Variants in EFCAB5 observed in about 807,000 individuals in gnomAD.
EFCAB5 encodes EF-hand calcium binding domain 5.
A neutral mutation model predicts 167.9 loss-of-function variants in EFCAB5; 131 were observed. The observed-to-expected ratio is 0.78, with a 90% CI of 0.68 to 0.90. The LOEUF (loss-of-function observed/expected upper bound fraction) is 0.90. EFCAB5 is among the 40% of genes least tolerant of loss of function. The pLI is 0.00. For synonymous variants in EFCAB5, 574 were observed against 602.8 expected, an observed-to-expected ratio of 0.95 and a Z score of 0.70; for missense variants, 1,663 against 1,745.2, an observed-to-expected ratio of 0.95 and a Z score of 0.84.
chr17:29,984,501 C>T (rs150552647), intron 4 of EFCAB5, among the ~76,000 whole-genome samples: 73 of 152,120 alleles, frequency 4.8e-4, no homozygotes, highest in African/African-American at 1.6e-3. Flanking sequence ...GAGCGGATCA[C>T]GAGGTCAGGA....
rs1359320546 is a variant in EFCAB5 at position 30,059,712 on chromosome 17, A to G, written c.2737+11A>G. 4 of 1,581,276 alleles carry G rather than the reference A, an allele frequency of 2.5e-6. 1 individual carries two copies. The South Asian group carries it at 4.6e-5, about 18-fold the overall frequency. ...AATCTATGAAGAAAGGTAAAATATAAGAATGTTCTTATTTAAACTGTGGTA... is the reference window on the plus strand; with the variant it reads ...AATCTATGAAGAAAGGTAAAATATAGGAATGTTCTTATTTAAACTGTGGTA... On this transcript the variant is annotated intron_variant, in intron 14 of 22. Transcript: ENST00000394835.
intron 13 of EFCAB5, among the ~76,000 whole-genome samples, chr17:30,058,264 T>C (rs2070331777): frequency 6.6e-6 from 1 of 152,212 alleles, no homozygotes. Flanking sequence ...GGCCTGAGTA[T>C]ATATTTTTAC....
intron 5 of EFCAB5, 44 bp from the exon 6 acceptor site, chr17:29,996,268 A>T (rs1056309121): frequency 1.4e-6 from 2 of 1,445,642 alleles, no homozygotes; most frequent in African/African-American, 1.4e-5. Flanking sequence ...GTAACTGAGG[A>T]GTGGCATATG....
intron 7 of EFCAB5, among the ~76,000 whole-genome samples, chr17:30,030,817 C>G (rs1390759916): frequency 6.6e-6 from 1 of 152,046 alleles, no homozygotes; most frequent in Non-Finnish European, 1.5e-5. Context: ...CCACTCTTGG[C>G]TAAATTTTTA....
intron 7 of EFCAB5, among the ~76,000 whole-genome samples, chr17:30,011,468 T>G (rs1387488454): frequency 6.6e-6 from 1 of 152,230 alleles, no homozygotes; most frequent in Admixed American, 6.5e-5. Context: ...GTTTGTGCCC[T>G]CTTTTATTTC....
chr17:29,997,243 TAAA>T (rs1180178203), intron 6 of EFCAB5, among the ~76,000 whole-genome samples: 1 of 130,740 alleles, frequency 7.6e-6, no homozygotes. Context: ...AGACTCCTTC[TAAA>T]AAAAAAAAAA....
chr17:30,010,268 C>T (rs1461585126), intron 7 of EFCAB5, among the ~76,000 whole-genome samples: 2 of 152,248 alleles, frequency 1.3e-5, no homozygotes, highest in East Asian at 3.9e-4. Flanking sequence ...AATAAACATA[C>T]GTGTGCATGT....
At chr17:30,059,495 G>A (rs1369606952) in intron 13 of EFCAB5, 50 bp from the exon 14 acceptor site, 32 of 1,505,128 alleles carry the variant, frequency 2.1e-5, no homozygotes, top group Non-Finnish European at 2.8e-5. Flanking sequence ...ATGCTAGCTA[G>A]CACAATGAAC....
At chr17:30,022,886 C>T (rs893598662) in intron 7 of EFCAB5, among the ~76,000 whole-genome samples, 1 of 152,080 alleles carries the variant, frequency 6.6e-6, no homozygotes, top group Non-Finnish European at 1.5e-5. Flanking sequence ...TCACTCAAAA[C>T]CACTCAACTA....
In EFCAB5 at chr17:30,091,913, T is replaced by C; in HGVS notation, c.3980T>C (p.Phe1327Ser). ...VREVQRAGIL[F>S]FRIMLLELQE... ...GAAGTCCAGCGGGCAGGAATTCTCT[T>C]CTTCCGAATCATGCTGCTCGAGCTA... The change falls in exon 21 of 23, where the codon TTC (phenylalanine) becomes TCC (serine). Residue 1327 changes from phenylalanine to serine, a missense_variant. Phe to Ser is a radical substitution (Grantham distance 155). Coordinates refer to ENST00000394835, the MANE Select transcript of EFCAB5 (RefSeq NM_198529.4). 2 of 1,614,006 alleles carry C rather than the reference T, an allele frequency of 1.2e-6. No individual in the cohort carries two copies. The highest frequency in any genetic ancestry group is 1.7e-6 in the Non-Finnish European group (2 of 1,179,888).
At chr17:29,993,381 C>G in intron 5 of EFCAB5, 60 bp downstream of exon 5, 1 of 1,541,172 alleles carries the variant, frequency 6.5e-7, no homozygotes, top group Non-Finnish European at 8.8e-7. Flanking sequence ...AGGGCAATTG[C>G]TAGAATACTG....
chr17:30,102,962 C>G (rs368289417), intron 22 of EFCAB5, among the ~76,000 whole-genome samples: 2 of 151,900 alleles, frequency 1.3e-5, no homozygotes, highest in Non-Finnish European at 2.9e-5. Context: ...CCTGAGCCTC[C>G]CTAGTAGCTG....
chr17:30,080,656 C>T, intron 16 of EFCAB5, 97 bp from the exon 17 acceptor site: 1 of 928,110 alleles, frequency 1.1e-6, no homozygotes, highest in Non-Finnish European at 1.6e-6. Flanking sequence ...CATATAATGC[C>T]ACAGATTGTG....
Position 29,943,555 on chromosome 17 carries a change from C to T in EFCAB5, c.106-10C>T, listed in dbSNP as rs2067334990. 10 of 1,557,178 alleles carry T rather than the reference C, an allele frequency of 6.4e-6. No homozygotes were observed. Among genetic ancestry groups the T allele is most frequent in the South Asian group, 1.2e-5 (1 of 82,708 alleles). ...CATTGAAATTGGTGATTTTTTTCCT[C>T]TTTTCAAAGACCTTACAGAGTGTGC... On this transcript the variant is annotated splice_polypyrimidine_tract_variant and intron_variant, in intron 2 of 22. Transcript: ENST00000394835.
intron 7 of EFCAB5, among the ~76,000 whole-genome samples, chr17:30,013,518 G>T (rs1184661370): frequency 1.3e-5 from 2 of 152,180 alleles, no homozygotes; most frequent in Middle Eastern, 3.4e-3. Flanking sequence ...ACTTCTTCCT[G>T]GTTTAGTCTT....
Position 29,931,662 on chromosome 17 carries a change from GAAGT to G in EFCAB5, c.-127+2337_-127+2340del, listed in dbSNP as rs565966595. On this transcript the variant is annotated intron_variant, in intron 1 of 3. Transcript: ENST00000448319. The stretch of plus-strand genomic sequence containing the variant: ...ACAGGAAAAGAGAAGGCAAGTTTCA[GAAGT>G]AAGAACTTTGAACCAATGCATGGGA... Among the ~76,000 whole-genome samples the G allele has an allele frequency of 2.1e-3, 326 of 152,294 alleles. 1 individual carries two copies. Among genetic ancestry groups the G allele is most frequent in the African/African-American group, 7.6e-3 (315 of 41,564 alleles).
At position 29,941,646 on chromosome 17, in the gene EFCAB5, A is replaced by G. The variant is rs2151513281; in HGVS notation, c.-151A>G. On this transcript the variant is annotated 5_prime_UTR_variant, in exon 1 of 23. Coordinates refer to ENST00000394835, the MANE Select transcript of EFCAB5 (RefSeq NM_198529.4). Reference sequence around the variant, plus strand: ...CAGTTGAGAATTTATCATTCAATAGAATTGTGGGGTGAGGTGAGGGCAGGA... The same window carrying G: ...CAGTTGAGAATTTATCATTCAATAGGATTGTGGGGTGAGGTGAGGGCAGGA... The G allele has an allele frequency of 3.4e-6, 2 of 585,798 alleles. No homozygotes were observed. Among genetic ancestry groups the G allele is most frequent in the East Asian group, 3.0e-5 (1 of 33,766 alleles). 36.3% of individuals were successfully genotyped at this position (585,798 alleles called of 1,614,324 possible).
intron 21 of EFCAB5, among the ~76,000 whole-genome samples, chr17:30,092,523 G>T (rs1187540118): frequency 1.3e-5 from 2 of 152,162 alleles, no homozygotes; most frequent in African/African-American, 4.8e-5. Flanking sequence ...GAGTAGCTGG[G>T]ATTACAGGTG....
At chr17:30,098,428 G>C (rs2071334452) in intron 22 of EFCAB5, among the ~76,000 whole-genome samples, 1 of 151,006 alleles carries the variant, frequency 6.6e-6, no homozygotes, top group Non-Finnish European at 1.5e-5. Flanking sequence ...CTAGTCAGGA[G>C]AGCTGAGGTG....
Sources: allele counts gnomAD v4.1 joint callset (sites outside exome capture counted in the v4.1 genomes callset), GRCh38; gene constraint gnomAD v4.1.1; transcripts MANE v1.5; gene names NCBI Gene and HGNC (gene_info 2026-07-23, HGNC 2026-07-21).